Variants in CFAP43 observed in about 807,000 individuals in gnomAD.
CFAP43 encodes cilia- and flagella-associated protein 43.
CFAP43 carries 155 observed loss-of-function variants against 218.9 expected under a neutral mutation model. The observed-to-expected ratio is 0.71, with a 90% CI of 0.62 to 0.81. The LOEUF (loss-of-function observed/expected upper bound fraction) is 0.81, where lower values mean the gene tolerates loss of function less well. Ranked by LOEUF, CFAP43 falls within the 30% of genes least tolerant of loss-of-function variation. The probability of loss-of-function intolerance (pLI) is 0.00; values close to 1 mark genes in which losing one functional copy is unlikely to be tolerated. For synonymous variants in CFAP43, 645 were observed against 681.3 expected (o/e 0.95, Z 0.83); for missense variants, 1,778 against 1,954.3 (o/e 0.91, Z 1.70).
In CFAP43 at chr10:104,178,717, C is replaced by T. The variant is rs1023661227; in HGVS notation, c.2460+312G>A. On this transcript the variant is annotated intron_variant, in intron 19 of 37. Coordinates refer to ENST00000357060, the MANE Select transcript of CFAP43 (RefSeq NM_025145.7). ...TCAGTCAAGAGAAGTAGGGCAGTTG[C>T]TGCTTAAAAAATATTATTTTTAACT... Among the ~76,000 whole-genome samples, 3 of 152,140 alleles carry T rather than the reference C, an allele frequency of 2.0e-5. No homozygotes were observed. In the South Asian group the frequency reaches 6.2e-4, roughly 31 times the overall value.
chr10:104,190,711 A>C (rs2090182972), intron 12 of CFAP43, among the ~76,000 whole-genome samples: 1 of 152,176 alleles, frequency 6.6e-6, no homozygotes, highest in Admixed American at 6.5e-5. Context: ...GTCATCACTT[A>C]TCCCTTCCTT....
At chr10:104,145,432 G>C (rs747467756) in intron 31 of CFAP43, 44 bp downstream of exon 31, 6 of 1,394,054 alleles carry the variant, frequency 4.3e-6, no homozygotes, top group Non-Finnish European at 5.0e-6. Context: ...CTCTTTATTT[G>C]CAAACTTTTT....
At chr10:104,164,322 G>A (rs1201491975) in intron 23 of CFAP43, 22 bp from the exon 24 acceptor site, 6 of 1,470,754 alleles carry the variant, frequency 4.1e-6, no homozygotes, top group Non-Finnish European at 5.6e-6. Flanking sequence ...ACATGTTACT[G>A]AAAACACATC....
At chr10:104,149,605 T>A (rs590678) in intron 28 of CFAP43, among the ~76,000 whole-genome samples, 42,397 of 151,892 alleles carry the variant, frequency 0.28, 8,472 homozygotes, top group African/African-American at 0.58. Context: ...GGGTTTAATT[T>A]TTTACAACTA....
chr10:104,198,332 G>C (rs1032282980), intron 8 of CFAP43, among the ~76,000 whole-genome samples: 6 of 151,900 alleles, frequency 3.9e-5, no homozygotes, highest in Non-Finnish European at 8.8e-5. Context: ...GCCCAGGTTG[G>C]AGTGCAATGG....
chr10:104,170,828 C>T (rs542574759), intron 20 of CFAP43, among the ~76,000 whole-genome samples: 10 of 152,188 alleles, frequency 6.6e-5, no homozygotes, highest in South Asian at 2.1e-4. Flanking sequence ...AATTCTTTAC[C>T]GCAATATACA....
chr10:104,155,507 G>A (rs575724368), intron 27 of CFAP43, among the ~76,000 whole-genome samples: 3 of 152,064 alleles, frequency 2.0e-5, no homozygotes, highest in Non-Finnish European at 4.4e-5. Flanking sequence ...CTATATAACC[G>A]TCTTCACTCC....
chr10:104,173,184 A>G (rs2089478870), intron 19 of CFAP43, among the ~76,000 whole-genome samples: 3 of 152,262 alleles, frequency 2.0e-5, no homozygotes, highest in African/African-American at 7.2e-5. Flanking sequence ...CAGTTTCAAA[A>G]TGGTAGACTG....
At chr10:104,178,074 G>C (rs1240409901) in intron 19 of CFAP43, among the ~76,000 whole-genome samples, 2 of 152,206 alleles carry the variant, frequency 1.3e-5, no homozygotes, top group African/African-American at 2.4e-5. Flanking sequence ...CAACACAGCA[G>C]TCCTGCATAG....
chr10:104,151,698 G>A (rs2088266538), intron 28 of CFAP43, among the ~76,000 whole-genome samples: 2 of 152,096 alleles, frequency 1.3e-5, no homozygotes, highest in African/African-American at 2.4e-5. Context: ...TGTTTACTCT[G>A]TGGATAGTTT....
chr10:104,179,787 T>C (rs1410513057), intron 18 of CFAP43, 53 bp downstream of exon 18: 2 of 1,326,920 alleles, frequency 1.5e-6, no homozygotes, highest in Non-Finnish European at 2.1e-6. Context: ...AACTAATCTA[T>C]TTGGTGCATC....
rs769469646 is a variant in CFAP43 at position 104,179,710 on chromosome 10, A to G, written c.2382+130T>C. 1.5e-5 allele frequency: 10 copies of G among 687,092 alleles called. No individual in the cohort carries two copies. The African/African-American group carries it at 1.6e-4, about 11-fold the overall frequency. The allele number at this position is 687,092 out of a possible 1,614,324, so 42.6% of individuals were successfully genotyped here. A position where few individuals can be genotyped will look rare whatever the true frequency, so the allele number is the denominator to read the frequency against. On this transcript the variant is annotated intron_variant, in intron 18 of 37. Transcript: ENST00000357060. The stretch of plus-strand genomic sequence containing the variant: ...TTGCTTTCCGAAAAGTTACACCTGT[A>G]TGTTGTAATGCTCTGCCAAGTGGTG...
chr10:104,186,952 T>C (rs1355831326), intron 14 of CFAP43, among the ~76,000 whole-genome samples: 1 of 152,206 alleles, frequency 6.6e-6, no homozygotes, highest in African/African-American at 2.4e-5. Context: ...TTTTGTAATT[T>C]TGGTTATGGC....
In CFAP43 at chr10:104,205,422, T is replaced by C. The variant is rs1321145451; in HGVS notation, c.963+541A>G. Reference sequence around the variant, plus strand: ...GTCTGTAAAAGGAGGATGTCAATAGTTTCTATTTGATAAGGTTGTTGTAAG... The same window carrying C: ...GTCTGTAAAAGGAGGATGTCAATAGCTTCTATTTGATAAGGTTGTTGTAAG... On this transcript the variant is annotated intron_variant, in intron 7 of 37. Coordinates refer to ENST00000357060, the MANE Select transcript of CFAP43 (RefSeq NM_025145.7). Among the ~76,000 whole-genome samples the C allele has an allele frequency of 2.0e-5, 3 of 152,100 alleles. No homozygotes were observed. In the East Asian group the frequency reaches 5.8e-4, roughly 29 times the overall value.
At chr10:104,192,487 C>G in intron 11 of CFAP43, 185 bp from the exon 12 acceptor site, 1 of 544,552 alleles carries the variant, frequency 1.8e-6, no homozygotes, top group South Asian at 2.4e-5. Context: ...GTACTTTAGG[C>G]CAATGATATT....
intron 28 of CFAP43, among the ~76,000 whole-genome samples, chr10:104,151,419 T>C (rs1169371451): frequency 6.6e-6 from 1 of 152,218 alleles, no homozygotes; most frequent in Non-Finnish European, 1.5e-5. Flanking sequence ...ATTTTTTTAC[T>C]CTTTAGTAGT....
intron 9 of CFAP43, 119 bp downstream of exon 9, chr10:104,197,803 G>A (rs678292): frequency 0.42 from 282,609 of 670,608 alleles, 62,074 homozygotes; most frequent in African/African-American, 0.66. Context: ...TCTGCCTCCT[G>A]TTCGCATTGC....
chr10:104,231,608 T>C (rs2091449197), intron 1 of CFAP43, among the ~76,000 whole-genome samples: 1 of 152,118 alleles, frequency 6.6e-6, no homozygotes, highest in African/African-American at 2.4e-5. Context: ...TAGCAGGGGA[T>C]GCTGTATAGA....
At chr10:104,214,160 T>C (rs2090947631) in intron 4 of CFAP43, 99 bp downstream of exon 4, 4 of 1,177,160 alleles carry the variant, frequency 3.4e-6, no homozygotes, top group Non-Finnish European at 4.7e-6. Context: ...CATATATATG[T>C]ATGTATAAAG....
Sources: gnomAD v4.1 joint callset for allele counts (sites outside exome capture counted in the v4.1 genomes callset) on GRCh38, gnomAD v4.1.1 for gene constraint, MANE v1.5 for transcripts, NCBI Gene and HGNC (gene_info 2026-07-23, HGNC 2026-07-21) for gene names.